ITFG1: variants seen among roughly 807,000 people sequenced by gnomAD.
ITFG1 encodes the protein integrin alpha FG-GAP repeat containing 1.
In ITFG1, 34 loss-of-function variants were observed where a neutral mutation model predicts 81.8. The observed-to-expected ratio is 0.42, with a 90% CI of 0.32 to 0.55. The LOEUF (loss-of-function observed/expected upper bound fraction) is 0.55. Ranked by LOEUF, ITFG1 falls within the 20% of genes least tolerant of loss-of-function variation. ITFG1 has a pLI of 0.17. For synonymous variants in ITFG1, 285 were observed against 270.6 expected (o/e 1.05, Z -0.52); for missense variants, 672 against 755.4 (o/e 0.89, Z 1.29).
At chr16:47,373,822 C>T (rs1189048899) in intron 7 of ITFG1, among the ~76,000 whole-genome samples, 2 of 152,166 alleles carry the variant, frequency 1.3e-5, no homozygotes, top group East Asian at 3.8e-4. Context: ...CTTCTACTGG[C>T]TAATGTGGTT....
chr16:47,455,163 A>G (rs1165900799), intron 2 of ITFG1, among the ~76,000 whole-genome samples: 1 of 152,218 alleles, frequency 6.6e-6, no homozygotes, highest in Non-Finnish European at 1.5e-5. Flanking sequence ...TCTGTCAAGA[A>G]CATACATGCA....
intron 6 of ITFG1, among the ~76,000 whole-genome samples, chr16:47,382,701 T>C (rs1287860984): frequency 6.6e-6 from 1 of 152,200 alleles, no homozygotes; most frequent in African/African-American, 2.4e-5. Context: ...TTTCAGATTG[T>C]ATATAAACTA....
chr16:47,215,546 C>G (rs562275699), intron 14 of ITFG1, among the ~76,000 whole-genome samples: 1 of 152,196 alleles, frequency 6.6e-6, no homozygotes, highest in South Asian at 2.1e-4. Flanking sequence ...TATATTTGTC[C>G]TACACACAGA....
rs140850094 is a variant in ITFG1 at position 47,266,364 on chromosome 16, C to T, written c.1071-5669G>A. Reference sequence around the variant, plus strand: ...TCTGGAGTAGCTGGAATTACAGGCGCCTGCAATCATGCCCGGCTAATTTTT... The same window carrying T: ...TCTGGAGTAGCTGGAATTACAGGCGTCTGCAATCATGCCCGGCTAATTTTT... On this transcript the variant is annotated intron_variant, in intron 10 of 17. Transcript: ENST00000320640. Among the ~76,000 whole-genome samples the T allele has an allele frequency of 3.3e-3, 495 of 152,172 alleles. 2 individuals carry two copies. Among genetic ancestry groups the T allele is most frequent in the African/African-American group, 0.011 (469 of 41,500 alleles).
intron 12 of ITFG1, among the ~76,000 whole-genome samples, chr16:47,241,953 CAA>C (rs35881563): frequency 1.1e-4 from 10 of 87,104 alleles, no homozygotes; most frequent in Admixed American, 2.7e-4. Context: ...GACTCCGTCT[CAA>C]AAAAAAAAAA....
intron 10 of ITFG1, among the ~76,000 whole-genome samples, chr16:47,298,275 G>C (rs1221767255): frequency 6.6e-6 from 1 of 151,990 alleles, no homozygotes; most frequent in African/African-American, 2.4e-5. Context: ...TTATTTCCAT[G>C]AGATTCTTTA....
chr16:47,255,791 T>C (rs1016982881), intron 12 of ITFG1, among the ~76,000 whole-genome samples: 1 of 152,144 alleles, frequency 6.6e-6, no homozygotes, highest in African/African-American at 2.4e-5. Flanking sequence ...GTAAGAGAGA[T>C]GTTAATGTGA....
chr16:47,156,697 G>T (rs1227639131), intron 17 of ITFG1, among the ~76,000 whole-genome samples: 1 of 152,128 alleles, frequency 6.6e-6, no homozygotes, highest in Non-Finnish European at 1.5e-5. Flanking sequence ...GAAAGCATTT[G>T]AAAGTATGGA....
chr16:47,214,928 A>G lies in ITFG1; in HGVS notation c.1453+3940T>C, dbSNP rs1043264638. Among the ~76,000 whole-genome samples the G allele has an allele frequency of 2.1e-3, 275 of 133,852 alleles. 3 individuals are homozygous for G. Among genetic ancestry groups the G allele is most frequent in the African/African-American group, 8.8e-3 (262 of 29,612 alleles). The allele number at this position is 133,852 out of a possible 152,430, so 87.8% of individuals were successfully genotyped here. A position where few individuals can be genotyped will look rare whatever the true frequency, so the allele number is the denominator to read the frequency against. Reference sequence around the variant, plus strand: ...GTTATTACCCAGTGTGAAAACACACACACACACACACACACACACACACAC... The same window carrying G: ...GTTATTACCCAGTGTGAAAACACACGCACACACACACACACACACACACAC... On this transcript the variant is annotated intron_variant, in intron 14 of 17. Coordinates refer to ENST00000320640, the MANE Select transcript of ITFG1 (RefSeq NM_030790.5).
intron 8 of ITFG1, among the ~76,000 whole-genome samples, chr16:47,330,917 T>G (rs112201924): frequency 6.6e-6 from 1 of 152,176 alleles, no homozygotes; most frequent in African/African-American, 2.4e-5. Context: ...AGCTTGGAGA[T>G]TTCTCAAAGA....
At position 47,428,819 on chromosome 16, in the gene ITFG1, C is replaced by G. The variant is rs1432088704; in HGVS notation, c.640G>C (p.Glu214Gln). ...PHSHAFIDLT[E>Q]DFTADLFLTT... ...TGCAACTCACCTGCTGTAAAATCTTCAGTCAGATCAATAAATGCATGAGAA... is the reference window on the plus strand; with the variant it reads ...TGCAACTCACCTGCTGTAAAATCTTGAGTCAGATCAATAAATGCATGAGAA... Residue 214 changes from glutamate (E) to glutamine (Q), a missense_variant, in exon 6 of 18, where the codon GAA becomes CAA. Glu to Gln is a conservative substitution (Grantham distance 29). Coordinates refer to ENST00000320640, the MANE Select transcript of ITFG1 (RefSeq NM_030790.5). 1 of 1,607,904 alleles carries G rather than the reference C, an allele frequency of 6.2e-7. No homozygotes were observed. The highest frequency in any genetic ancestry group is 8.5e-7 in the Non-Finnish European group (1 of 1,175,798).
chr16:47,398,819 T>TATAGTATTAGC (rs1359947699), intron 6 of ITFG1, among the ~76,000 whole-genome samples: 3 of 152,218 alleles, frequency 2.0e-5, no homozygotes, highest in Admixed American at 6.5e-5. Flanking sequence ...CTAATACTAT[T>TATAGTATTAGC]TCAATGGCAC....
intron 8 of ITFG1, among the ~76,000 whole-genome samples, chr16:47,343,816 G>A (rs1421454589): frequency 6.6e-6 from 1 of 152,084 alleles, no homozygotes; most frequent in Non-Finnish European, 1.5e-5. Flanking sequence ...AACATATAAT[G>A]ACCTTATATC....
chr16:47,255,286 G>A (rs1031933253), intron 12 of ITFG1, among the ~76,000 whole-genome samples: 2 of 152,180 alleles, frequency 1.3e-5, no homozygotes, highest in African/African-American at 4.8e-5. Context: ...AAAATAATGA[G>A]AGGAAAAACT....
chr16:47,456,658 C>T (rs1969457113), intron 2 of ITFG1, among the ~76,000 whole-genome samples: 2 of 148,484 alleles, frequency 1.3e-5, no homozygotes, highest in African/African-American at 5.0e-5. Flanking sequence ...TGCCACTGCA[C>T]TCCAGCCTGG....
At chr16:47,267,215 A>T (rs1966287284) in intron 10 of ITFG1, among the ~76,000 whole-genome samples, 1 of 152,232 alleles carries the variant, frequency 6.6e-6, no homozygotes. Context: ...AACTATTTAC[A>T]TAGGTTAAAA....
chr16:47,397,270 C>T (rs1435459180), intron 6 of ITFG1, among the ~76,000 whole-genome samples: 1 of 152,012 alleles, frequency 6.6e-6, no homozygotes, highest in African/African-American at 2.4e-5. Flanking sequence ...GATGGTGGAG[C>T]TGGTGTTCCA....
chr16:47,162,644 C>A lies in ITFG1; in HGVS notation c.1474G>T (p.Ala492Ser), dbSNP rs150441201. ...NGSAGQLSQS[A>S]HLALQLPYNV... ...TATGGTAGTTGGAGAGCTAAATGTGCGGATTGGCTGAGTTGGCCAGCTAGA... is the reference window on the plus strand; with the variant it reads ...TATGGTAGTTGGAGAGCTAAATGTGAGGATTGGCTGAGTTGGCCAGCTAGA... The change falls in exon 15 of 18, where the codon GCA (alanine) becomes TCA (serine). Residue 492 changes from alanine (A) to serine (S), a missense_variant. Physicochemically the swap from Ala to Ser is moderately conservative, Grantham distance 99. Transcript: ENST00000320640. 54 of 1,601,470 alleles carry A rather than the reference C, an allele frequency of 3.4e-5. No individual in the cohort carries two copies. The highest frequency in any genetic ancestry group is 4.3e-5 in the Non-Finnish European group (51 of 1,174,284).
chr16:47,254,380 A>ATATTATTAT (rs371724043), intron 12 of ITFG1, among the ~76,000 whole-genome samples: 25 of 150,986 alleles, frequency 1.7e-4, no homozygotes, highest in African/African-American at 5.6e-4. Flanking sequence ...TCTCTTTAGC[A>ATATTATTAT]TATTATTATT....
Sources: gnomAD v4.1 joint callset for allele counts (sites outside exome capture counted in the v4.1 genomes callset) on GRCh38, gnomAD v4.1.1 for gene constraint, MANE v1.5 for transcripts, NCBI Gene and HGNC (gene_info 2026-07-23, HGNC 2026-07-21) for gene names.